The following PHOSPHO1 variants were observed in gnomAD, a reference collection of about 807,000 sequenced individuals.
PHOSPHO1 encodes the protein phosphoethanolamine/phosphocholine phosphatase.
A neutral mutation model predicts 17.7 loss-of-function variants in PHOSPHO1; 6 were observed. That is an observed-to-expected ratio of 0.34 (90% CI 0.19 to 0.67). The LOEUF is 0.67. Ranked by LOEUF, PHOSPHO1 falls within the 30% of genes least tolerant of loss-of-function variation. The probability of loss-of-function intolerance (pLI) is 0.69; values close to 1 mark genes in which losing one functional copy is unlikely to be tolerated. For synonymous variants in PHOSPHO1, 159 were observed against 174.6 expected, an observed-to-expected ratio of 0.91 and a Z score of 0.71; for missense variants, 330 against 392.1, an observed-to-expected ratio of 0.84 and a Z score of 1.34.
chr17:49,228,491 T>C (rs1036186485), intron 1 of PHOSPHO1, among the ~76,000 whole-genome samples: 1 of 151,908 alleles, frequency 6.6e-6, no homozygotes, highest in African/African-American at 2.4e-5. Context: ...ACCCTGTCTC[T>C]TTAAAAACAA....
At chr17:49,230,393 C>G (rs926854695) in intron 1 of PHOSPHO1, 75 bp downstream of exon 1, 1 of 152,434 alleles carries the variant, frequency 6.6e-6, no homozygotes, top group Non-Finnish European at 1.5e-5. Flanking sequence ...CGTGAAGGAG[C>G]GCCTTCAAAC....
At chr17:49,225,915 C>T in intron 2 of PHOSPHO1, 1 of 1,113,964 alleles carries the variant, frequency 9.0e-7, no homozygotes, top group Non-Finnish European at 1.1e-6. Context: ...ATCTTGGAGA[C>T]AGACTGCTGG....
intron 2 of PHOSPHO1, chr17:49,225,622 G>A: frequency 7.7e-7 from 1 of 1,292,622 alleles, no homozygotes. Context: ...GAGTTTTAGG[G>A]CCCTGTGCTG....
rs1254538368 is a variant in PHOSPHO1 at position 49,223,753 on chromosome 17, C to G, written c.*493G>C. On this transcript the variant is annotated 3_prime_UTR_variant, in exon 3 of 3. Coordinates refer to ENST00000310544, the MANE Select transcript of PHOSPHO1 (RefSeq NM_178500.4). ...GGGGTCGCGGTGGGTGAAGCAAGAT[C>G]GCAAAGGCCTGGGGCCATAGGTGGA... 6.5e-6 allele frequency: 1 copy of G among 153,174 alleles called. No individual in the cohort carries two copies. The highest frequency in any genetic ancestry group is 2.4e-5 in the African/African-American group (1 of 41,122). 9.5% of individuals were successfully genotyped at this position (153,174 alleles called of 1,614,324 possible).
chr17:49,224,606 G>C lies in PHOSPHO1; in HGVS notation c.444C>G (p.Asn148Lys). ...HHSLFRRILS[N>K]PSGPDARGLL... ...GTCCCCGCGCATCCGGCCCCGACGGGTTGCTGAGGATGCGGCGGAACAGGC... is the reference window on the plus strand; with the variant it reads ...GTCCCCGCGCATCCGGCCCCGACGGCTTGCTGAGGATGCGGCGGAACAGGC... The change falls in exon 3 of 3, where the codon AAC becomes AAG. Residue 148 changes from asparagine (N) to lysine (K), a missense_variant. Coordinates refer to ENST00000310544, the MANE Select transcript of PHOSPHO1 (RefSeq NM_178500.4). 1 of 1,576,496 alleles carries C rather than the reference G, an allele frequency of 6.3e-7. No homozygotes were observed. The highest frequency in any genetic ancestry group is 8.6e-7 in the Non-Finnish European group (1 of 1,166,822).
At position 49,224,080 on chromosome 17, in the gene PHOSPHO1, G is replaced by A. The variant is rs2043322141; in HGVS notation, c.*166C>T. On this transcript the variant is annotated 3_prime_UTR_variant, in exon 3 of 3. Coordinates refer to ENST00000310544, the MANE Select transcript of PHOSPHO1 (RefSeq NM_178500.4). ...GTGGGTTAACTGAATAGATAGGGAC[G>A]GCTCTGAGCCCCCTTCCCCAAGCCC... 3 of 1,042,292 alleles carry A rather than the reference G, an allele frequency of 2.9e-6. No homozygotes were observed. The highest frequency in any genetic ancestry group is 5.9e-5 in the Admixed American group (2 of 33,942). 64.6% of individuals were successfully genotyped at this position (1,042,292 alleles called of 1,614,324 possible).
chr17:49,228,783 G>A lies in PHOSPHO1; in HGVS notation c.-68+1685C>T, dbSNP rs982460032. ...CCAGCCTGGGCGACAGCGAGACTCC[G>A]TCTCAAAAAAAAAAAAAAAAAAAAA... On this transcript the variant is annotated intron_variant, in intron 1 of 2. Coordinates refer to ENST00000310544, the MANE Select transcript of PHOSPHO1 (RefSeq NM_178500.4). Among the ~76,000 whole-genome samples, 7 of 101,080 alleles carry A rather than the reference G, an allele frequency of 6.9e-5. No homozygotes were observed. The East Asian group carries it at 1.3e-3, about 19-fold the overall frequency. The allele number at this position is 101,080 out of a possible 152,430, so 66.3% of individuals were successfully genotyped here. A position where few individuals can be genotyped will look rare whatever the true frequency, so the allele number is the denominator to read the frequency against.
rs1357094003 is a variant in PHOSPHO1, at chr17:49,224,623, G to A, written c.427C>T (p.Arg143Cys). 2 of 1,581,578 alleles carry A rather than the reference G, an allele frequency of 1.3e-6. No individual in the cohort carries two copies. The highest frequency in any genetic ancestry group is 1.7e-6 in the Non-Finnish European group (2 of 1,169,742). The change falls in exon 3 of 3, where the codon CGC becomes TGC. Residue 143 changes from arginine (R) to cysteine (C), a missense_variant. By Grantham distance (180) the Arg-to-Cys change is radical. Transcript: ENST00000310544. ...CCCGACGGGTTGCTGAGGATGCGGC[G>A]GAACAGGCTGTGGTGGCCGGCGGCG... ...LRAAGHHSLF[R>C]RILSNPSGPD...
chr17:49,225,285 C>T (rs1598251766), intron 2 of PHOSPHO1: 2 of 985,462 alleles, frequency 2.0e-6, no homozygotes, highest in Non-Finnish European at 2.4e-6. Flanking sequence ...CCCCTACTCT[C>T]ATCGAGGGCC....
chr17:49,229,679 C>G (rs930248825), intron 1 of PHOSPHO1, among the ~76,000 whole-genome samples: 38 of 152,262 alleles, frequency 2.5e-4, no homozygotes, highest in African/African-American at 8.9e-4. Context: ...CAAGCCCTCT[C>G]TGTCCAAAAA....
chr17:49,225,183 C>T (rs771952547), intron 2 of PHOSPHO1, 179 bp from the exon 3 acceptor site: 1 of 1,430,688 alleles, frequency 7.0e-7, no homozygotes, highest in Non-Finnish European at 9.1e-7. Context: ...AATGCCACCA[C>T]CTCTATCCCC....
chr17:49,227,815 T>G (rs1367991581), intron 1 of PHOSPHO1, among the ~76,000 whole-genome samples: 1 of 152,148 alleles, frequency 6.6e-6, no homozygotes, highest in Non-Finnish European at 1.5e-5. Flanking sequence ...AGGGATGGAA[T>G]GCGGCTCTCA....
chr17:49,225,794 GGAGAA>G (rs762761516), intron 2 of PHOSPHO1: 20 of 1,245,828 alleles, frequency 1.6e-5, no homozygotes, highest in Admixed American at 5.3e-5. Context: ...GACAGGTAAG[GGAGAA>G]GAGAAGAGAG....
At position 49,224,488 on chromosome 17, in the gene PHOSPHO1, G is replaced by A. The variant is rs1464915400; in HGVS notation, c.562C>T (p.Arg188Trp). Residue 188 changes from arginine to tryptophan, a missense_variant, in exon 3 of 3, where the codon CGG becomes TGG. Arg to Trp is a moderately radical substitution (Grantham distance 101). Coordinates refer to ENST00000310544, the MANE Select transcript of PHOSPHO1 (RefSeq NM_178500.4). ...HKVLSDYLRE[R>W]AHDGVHFERL... ...TCGAAGTGCACGCCGTCGTGGGCCC[G>A]CTCGCGCAGGTAGTCGCTGAGCACC... is the stretch of plus-strand genomic sequence containing the variant. The A allele has an allele frequency of 6.4e-7, 1 of 1,569,176 alleles. No individual in the cohort carries two copies. Among genetic ancestry groups the A allele is most frequent in the African/African-American group, 1.4e-5 (1 of 73,924 alleles).
At position 49,226,695 on chromosome 17, in the gene PHOSPHO1, C is replaced by T. The variant is rs757571399; in HGVS notation, c.-4G>A. 10 of 1,614,076 alleles carry T rather than the reference C, an allele frequency of 6.2e-6. No individual in the cohort carries two copies. The Admixed American group carries it at 1.0e-4, about 16-fold the overall frequency. ...AAACTGGAAAACAGCCACTCATTGTCGGTGCATTACCGTGAGCACCACCTG... is the reference window on the plus strand; with the variant it reads ...AAACTGGAAAACAGCCACTCATTGTTGGTGCATTACCGTGAGCACCACCTG... On this transcript the variant is annotated 5_prime_UTR_variant, in exon 2 of 3. Coordinates refer to ENST00000310544, the MANE Select transcript of PHOSPHO1 (RefSeq NM_178500.4).
intron 2 of PHOSPHO1, chr17:49,225,775 C>T: frequency 7.9e-7 from 1 of 1,261,600 alleles, no homozygotes; most frequent in Non-Finnish European, 1.0e-6. Flanking sequence ...GGCCATGACA[C>T]ACCTGGGAGA....
intron 2 of PHOSPHO1, among the ~76,000 whole-genome samples, chr17:49,226,334 G>A (rs537639107): frequency 1.3e-5 from 2 of 152,212 alleles, no homozygotes; most frequent in East Asian, 1.9e-4. Context: ...TCCTCATTTC[G>A]GAGCTGGGAT....
chr17:49,225,658 A>G lies in PHOSPHO1; in HGVS notation c.46-654T>C, dbSNP rs763539902. 7.2e-5 allele frequency: 93 copies of G among 1,290,250 alleles called. No homozygotes were observed. In the South Asian group the frequency reaches 9.0e-4, roughly 12 times the overall value. 79.9% of individuals were successfully genotyped at this position (1,290,250 alleles called of 1,614,324 possible). A position where few individuals can be genotyped will look rare whatever the true frequency, so the allele number is the denominator to read the frequency against. ...ACAGCTCATCACTAATCACTTGCCA[A>G]TTCCCCAGGAGGAACGTGTCAGCAG... On this transcript the variant is annotated intron_variant, in intron 2 of 2. Transcript: ENST00000310544.
At chr17:49,225,367 G>GA (rs2043343538) in intron 2 of PHOSPHO1, 1 of 985,282 alleles carries the variant, frequency 1.0e-6, no homozygotes, top group African/African-American at 1.7e-5. Flanking sequence ...GAGGTTTCTG[G>GA]ACTGGACTGT....
Sources: gnomAD v4.1 joint callset for allele counts (sites outside exome capture counted in the v4.1 genomes callset) on GRCh38, gnomAD v4.1.1 for gene constraint, MANE v1.5 for transcripts, NCBI Gene and HGNC (gene_info 2026-07-23, HGNC 2026-07-21) for gene names.